The following EPHX1 variants were observed in gnomAD, a reference collection of about 807,000 sequenced individuals.
The protein encoded by EPHX1 is epoxide hydrolase 1.
Under a neutral mutation model 43.2 loss-of-function variants are expected in EPHX1, and 40 were observed. The ratio of observed to expected loss-of-function variants is 0.93; its 90% confidence interval spans 0.72 to 1.21. The LOEUF (loss-of-function observed/expected upper bound fraction) is 1.21, where lower values mean the gene tolerates loss of function less well. Among genes scored for constraint, EPHX1 ranks in the 50% most tolerant of loss-of-function variants. The probability of loss-of-function intolerance (pLI) is 0.00; values close to 1 mark genes in which losing one functional copy is unlikely to be tolerated. For synonymous variants in EPHX1, 221 were observed against 226.7 expected, an observed-to-expected ratio of 0.98 and a Z score of 0.22; for missense variants, 550 against 570.4, an observed-to-expected ratio of 0.96 and a Z score of 0.36.
At chr1:225,839,673 C>T (rs1258263274) in intron 5 of EPHX1, among the ~76,000 whole-genome samples, 156 bp from the exon 6 acceptor site, 1 of 152,202 alleles carries the variant, frequency 6.6e-6, no homozygotes, top group Non-Finnish European at 1.5e-5. Flanking sequence ...AACCTCCCTT[C>T]TCCAACTCCC....
chr1:225,829,098 C>T (rs1667431254), intron 2 of EPHX1, among the ~76,000 whole-genome samples, 186 bp downstream of exon 2: 1 of 152,074 alleles, frequency 6.6e-6, no homozygotes, highest in Non-Finnish European at 1.5e-5. Context: ...GAGGGATGCC[C>T]AGCCCTCCCA....
chr1:225,828,226 C>A (rs1667359498), intron 1 of EPHX1, among the ~76,000 whole-genome samples: 1 of 151,966 alleles, frequency 6.6e-6, no homozygotes, highest in South Asian at 2.1e-4. Flanking sequence ...TGCCTGTAGT[C>A]CCAGCTACTC....
At chr1:225,838,508 C>G in intron 3 of EPHX1, 146 bp from the exon 4 acceptor site, 1 of 686,058 alleles carries the variant, frequency 1.5e-6, no homozygotes, top group East Asian at 2.6e-5. Context: ...AAACCAGTGT[C>G]AGCCCTTATT....
At chr1:225,828,973 G>C in intron 2 of EPHX1, 61 bp downstream of exon 2, 1 of 1,543,770 alleles carries the variant, frequency 6.5e-7, no homozygotes, top group South Asian at 1.2e-5. Flanking sequence ...CGAAGACAGG[G>C]GTTGGGTCTT....
chr1:225,824,804 GGCGGCAGCGGGGTTGGAAA>G (rs1402445363), intron 1 of EPHX1, among the ~76,000 whole-genome samples: 1 of 152,178 alleles, frequency 6.6e-6, no homozygotes, highest in African/African-American at 2.4e-5. Context: ...GGGAGCGCAA[GGCGGCAGCGGGGTTGGAAA>G]CCCACCCCCA....
At chr1:225,820,180 C>T (rs1666919660) in intron 1 of EPHX1, among the ~76,000 whole-genome samples, 1 of 152,234 alleles carries the variant, frequency 6.6e-6, no homozygotes, top group South Asian at 2.1e-4. Context: ...TCACTGCAAC[C>T]TCCGCCTCCT....
chr1:225,832,273 C>T (rs1667651763), intron 3 of EPHX1: 2 of 381,264 alleles, frequency 5.2e-6, no homozygotes, highest in Non-Finnish European at 1.0e-5. Context: ...AGTGGGGTGG[C>T]TCAGAACTGT....
In EPHX1 at chr1:225,828,783, C is replaced by A; in HGVS notation, c.54C>A (p.Phe18Leu). ...TSVLGFAIYW[F>L]ISRDKEETLP... ...TGCTGGGCTTTGCCATCTACTGGTT[C>A]ATCTCCCGGGACAAAGAGGAAACTT... The change falls in exon 2 of 9, where the codon TTC (phenylalanine) becomes TTA (leucine). Residue 18 changes from phenylalanine (F) to leucine (L), a missense_variant. Transcript: ENST00000272167. The A allele has an allele frequency of 6.2e-7, 1 of 1,613,818 alleles. No homozygotes were observed. The highest frequency in any genetic ancestry group is 8.5e-7 in the Non-Finnish European group (1 of 1,179,968).
chr1:225,826,945 G>T (rs376602980), intron 1 of EPHX1, among the ~76,000 whole-genome samples: 17 of 152,090 alleles, frequency 1.1e-4, no homozygotes, highest in Non-Finnish European at 2.4e-4. Flanking sequence ...ACGCGGAGGT[G>T]GGGGGTGCCA....
At position 225,838,793 on chromosome 1, in the gene EPHX1, G is replaced by A. The variant is rs376877493; in HGVS notation, c.504G>A (p.Lys168=). ...YKIIPLLTDP[K]NHGLSDEHVF... is the part of the protein sequence containing the mutation. ...TCATCCCACTCCTGACTGACCCCAA[G>A]AACCATGGCCTGAGCGATGAGCACG... is the stretch of plus-strand genomic sequence containing the variant. Residue 168 remains lysine, a synonymous_variant, in exon 4 of 9, where the codon AAG becomes AAA. Transcript: ENST00000272167. The A allele has an allele frequency of 4.3e-6, 7 of 1,614,050 alleles. No homozygotes were observed. In the African/African-American group the frequency reaches 8.0e-5, roughly 18 times the overall value.
intron 6 of EPHX1, among the ~76,000 whole-genome samples, chr1:225,842,071 A>T (rs569591334): frequency 1.7e-4 from 26 of 152,324 alleles, no homozygotes; most frequent in African/African-American, 5.5e-4. Flanking sequence ...TCTCATTGGG[A>T]CCCCACCAAA....
At position 225,845,450 on chromosome 1, in the gene EPHX1, C is replaced by G; in HGVS notation, c.*103C>G. On this transcript the variant is annotated 3_prime_UTR_variant, in exon 9 of 9. Transcript: ENST00000272167. ...TGAGGAATGAGTTTGCCTCCGTCCC[C>G]TGCCCATGCTGGGAGCCCACGCTCA... 4.0e-6 allele frequency: 5 copies of G among 1,259,118 alleles called. No homozygotes were observed. The highest frequency in any genetic ancestry group is 5.5e-6 in the Non-Finnish European group (5 of 907,770). 78.0% of individuals were successfully genotyped at this position (1,259,118 alleles called of 1,614,324 possible).
chr1:225,823,062 T>C (rs1667050433), intron 1 of EPHX1, among the ~76,000 whole-genome samples: 1 of 152,166 alleles, frequency 6.6e-6, no homozygotes, highest in African/African-American at 2.4e-5. Context: ...TAGTTCAACA[T>C]TATTATCCCC....
At chr1:225,810,398 C>G (rs1428797432) in intron 1 of EPHX1, 1 of 152,008 alleles carries the variant, frequency 6.6e-6, no homozygotes, top group East Asian at 1.9e-4. Flanking sequence ...CAGGCGACCG[C>G]GGACTTCTCG....
chr1:225,816,286 C>G (rs1666722223), intron 1 of EPHX1, among the ~76,000 whole-genome samples: 1 of 152,084 alleles, frequency 6.6e-6, no homozygotes, highest in African/African-American at 2.4e-5. Flanking sequence ...AAGCAAGGCT[C>G]TGTCTTTAAA....
intron 3 of EPHX1, among the ~76,000 whole-genome samples, chr1:225,833,960 T>C (rs577672165): frequency 6.7e-4 from 98 of 145,704 alleles, no homozygotes; most frequent in Admixed American, 2.5e-3. Context: ...TAGCCGGGCG[T>C]GGTGGCAGGC....
intron 1 of EPHX1, among the ~76,000 whole-genome samples, chr1:225,818,898 G>A (rs966756863): frequency 6.7e-6 from 1 of 149,972 alleles, no homozygotes; most frequent in Non-Finnish European, 1.5e-5. Flanking sequence ...AGACCAGCCT[G>A]GGCAATATAG....
chr1:225,844,888 A>G (rs1668803734), intron 8 of EPHX1, among the ~76,000 whole-genome samples: 1 of 152,052 alleles, frequency 6.6e-6, no homozygotes, highest in Admixed American at 6.5e-5. Flanking sequence ...TGGTTCTGGG[A>G]TTTCCAAGTC....
At chr1:225,832,407 G>A (rs1667661342) in intron 3 of EPHX1, among the ~76,000 whole-genome samples, 1 of 152,210 alleles carries the variant, frequency 6.6e-6, no homozygotes, top group Admixed American at 6.5e-5. Context: ...GTGTTGGCAG[G>A]CAGCTGTAAT....
Sources: allele counts gnomAD v4.1 joint callset (sites outside exome capture counted in the v4.1 genomes callset), GRCh38; gene constraint gnomAD v4.1.1; transcripts MANE v1.5; gene names NCBI Gene and HGNC (gene_info 2026-07-23, HGNC 2026-07-21).